Variants in FBXL5 observed in about 807,000 individuals in gnomAD.
FBXL5 encodes F-box and leucine rich repeat protein 5.
Under a neutral mutation model 78.3 loss-of-function variants are expected in FBXL5, and 26 were observed. The observed-to-expected ratio is 0.33, with a 90% CI of 0.24 to 0.46. FBXL5 has a LOEUF of 0.46. Among genes scored for constraint, FBXL5 ranks in the 20% least tolerant of loss-of-function variants. The probability of loss-of-function intolerance (pLI) is 1.00; values close to 1 mark genes in which losing one functional copy is unlikely to be tolerated. For synonymous variants in FBXL5, 295 were observed against 282.5 expected, an observed-to-expected ratio of 1.04 and a Z score of -0.45; for missense variants, 710 against 829.2, an observed-to-expected ratio of 0.86 and a Z score of 1.77.
intron 3 of FBXL5, among the ~76,000 whole-genome samples, chr4:15,639,152 G>A (rs113796811): frequency 0.092 from 14,026 of 152,262 alleles, 784 homozygotes; most frequent in Non-Finnish European, 0.12. Flanking sequence ...CAACAAGAGC[G>A]AAACTCTGTC....
intron 1 of FBXL5, among the ~76,000 whole-genome samples, chr4:15,651,299 G>A (rs1243224865): frequency 5.9e-5 from 9 of 152,148 alleles, no homozygotes; most frequent in South Asian, 2.1e-4. Flanking sequence ...ATGGGCTTCC[G>A]AAGGGGAAAA....
chr4:15,619,498 A>G (rs551344480), intron 9 of FBXL5, among the ~76,000 whole-genome samples: 2 of 152,326 alleles, frequency 1.3e-5, no homozygotes, highest in South Asian at 4.1e-4. Context: ...AATAGACAGG[A>G]ACTTCTTCAA....
At chr4:15,679,594 C>CA (rs1259384183) in intron 1 of FBXL5, among the ~76,000 whole-genome samples, 3 of 150,110 alleles carry the variant, frequency 2.0e-5, no homozygotes, top group Admixed American at 6.6e-5. Context: ...AACAAAAAAC[C>CA]AACACCCAAT....
intron 4 of FBXL5, 112 bp from the exon 5 acceptor site, chr4:15,636,788 G>A (rs567174788): frequency 7.1e-6 from 5 of 708,632 alleles, no homozygotes; most frequent in Non-Finnish European, 1.1e-5. Context: ...ATTCCTTCCT[G>A]CTTGCAAGAT....
intron 1 of FBXL5, among the ~76,000 whole-genome samples, 183 bp downstream of exon 1, chr4:15,655,021 G>A (rs1002953457): frequency 2.6e-5 from 4 of 151,228 alleles, no homozygotes; most frequent in African/African-American, 7.3e-5. Context: ...CCGGCTCTGC[G>A]AAGGCCTCGC....
rs1039724449 is a variant in FBXL5 at position 15,613,040 on chromosome 4, A to G, written c.1851-626T>C. The stretch of plus-strand genomic sequence containing the variant: ...CAGCCACAAAGTACTGACACATAGT[A>G]TAACATGCATAAACCTTGAACACAT... On this transcript the variant is annotated intron_variant, in intron 9 of 10. Transcript: ENST00000341285. Among the ~76,000 whole-genome samples the G allele has an allele frequency of 1.1e-4, 17 of 152,364 alleles. No homozygotes were observed. In the East Asian group the frequency reaches 3.3e-3, roughly 29 times the overall value.
chr4:15,624,820 A>G (rs1198159410), intron 9 of FBXL5, among the ~76,000 whole-genome samples: 2 of 152,190 alleles, frequency 1.3e-5, no homozygotes, highest in African/African-American at 2.4e-5. Context: ...ACAGCCGTGT[A>G]GTCAGACTAA....
chr4:15,659,810 C>G, upstream of FBXL5: 5 of 837,304 alleles, frequency 6.0e-6, no homozygotes, highest in Non-Finnish European at 7.2e-6. Flanking sequence ...TATGGGCTGA[C>G]TTGTAGGGAG....
chr4:15,607,195 A>G (rs1721949235), intron 10 of FBXL5, among the ~76,000 whole-genome samples: 1 of 152,202 alleles, frequency 6.6e-6, no homozygotes, highest in Non-Finnish European at 1.5e-5. Context: ...GAGCAATGGT[A>G]TAGATGAAAG....
At chr4:15,626,033 T>C in intron 8 of FBXL5, 56 bp from the exon 9 acceptor site, 2 of 1,439,982 alleles carry the variant, frequency 1.4e-6, no homozygotes, top group Non-Finnish European at 1.8e-6. Context: ...CAAAAGCATT[T>C]GACTATATGC....
At chr4:15,619,186 C>T (rs979515765) in intron 9 of FBXL5, among the ~76,000 whole-genome samples, 18 of 151,972 alleles carry the variant, frequency 1.2e-4, no homozygotes, top group Non-Finnish European at 2.1e-4. Flanking sequence ...TTCCCAAACA[C>T]GTACAAGAAG....
Position 15,638,712 on chromosome 4 carries a change from T to C in FBXL5, c.397-18A>G. 1.3e-6 allele frequency: 2 copies of C among 1,502,298 alleles called. No homozygotes were observed. Among genetic ancestry groups the C allele is most frequent in the Non-Finnish European group, 1.8e-6 (2 of 1,094,930 alleles). The allele number at this position is 1,502,298 out of a possible 1,614,324, so 93.1% of individuals were successfully genotyped here. A position where few individuals can be genotyped will look rare whatever the true frequency, so the allele number is the denominator to read the frequency against. ...TGAAAAACCTAAATTAAACAAAATA[T>C]TCACGAGGAAAGATGCTTCATTCGT... On this transcript the variant is annotated intron_variant, in intron 3 of 10. Coordinates refer to ENST00000341285, the MANE Select transcript of FBXL5 (RefSeq NM_012161.4).
intron 2 of FBXL5, among the ~76,000 whole-genome samples, chr4:15,642,687 A>G (rs905571821): frequency 2.0e-5 from 3 of 152,120 alleles, no homozygotes; most frequent in African/African-American, 7.2e-5. Flanking sequence ...GCATATCCAC[A>G]TGGCTTCCAT....
intron 2 of FBXL5, among the ~76,000 whole-genome samples, chr4:15,643,472 C>T (rs571266275): frequency 4.1e-4 from 62 of 152,310 alleles, no homozygotes; most frequent in South Asian, 3.9e-3. Context: ...CTAAACTATA[C>T]CCAGTAATAT....
At chr4:15,610,217 C>T (rs145603240) in intron 10 of FBXL5, among the ~76,000 whole-genome samples, 1 of 152,118 alleles carries the variant, frequency 6.6e-6, no homozygotes, top group African/African-American at 2.4e-5. Context: ...CTGGATACAA[C>T]ACAACTTCTT....
At chr4:15,650,260 T>G (rs1193255449) in intron 1 of FBXL5, among the ~76,000 whole-genome samples, 1 of 152,174 alleles carries the variant, frequency 6.6e-6, no homozygotes, top group Non-Finnish European at 1.5e-5. Flanking sequence ...GAAATGTTGC[T>G]CTAGAAAACT....
At chr4:15,629,859 C>G (rs371092436) in intron 6 of FBXL5, among the ~76,000 whole-genome samples, 2 of 152,120 alleles carry the variant, frequency 1.3e-5, no homozygotes, top group East Asian at 1.9e-4. Flanking sequence ...TTACTTTAAG[C>G]AAGTAACTTT....
At chr4:15,653,619 C>A (rs905942701) in intron 1 of FBXL5, among the ~76,000 whole-genome samples, 7 of 151,258 alleles carry the variant, frequency 4.6e-5, no homozygotes, top group Admixed American at 1.3e-4. Flanking sequence ...TTAGTCTTCA[C>A]TTCCACTTTC....
chr4:15,649,036 A>T (rs996104107), intron 1 of FBXL5, among the ~76,000 whole-genome samples: 2 of 152,182 alleles, frequency 1.3e-5, no homozygotes, highest in Non-Finnish European at 2.9e-5. Flanking sequence ...TGATCAACAG[A>T]TCAACAGATC....
Sources: gnomAD v4.1 joint callset for allele counts (sites outside exome capture counted in the v4.1 genomes callset) on GRCh38, gnomAD v4.1.1 for gene constraint, MANE v1.5 for transcripts, NCBI Gene and HGNC (gene_info 2026-07-23, HGNC 2026-07-21) for gene names.